Variants in EYS observed in about 807,000 individuals in gnomAD.
EYS encodes the protein protein eyes shut homolog.
EYS carries 250 observed loss-of-function variants against 282.1 expected under a neutral mutation model. The observed-to-expected ratio is 0.89, with a 90% CI of 0.80 to 0.98. The LOEUF is 0.98. Ranked by LOEUF, EYS falls within the 50% of genes least tolerant of loss-of-function variation. The probability of loss-of-function intolerance (pLI) is 0.00; values close to 1 mark genes in which losing one functional copy is unlikely to be tolerated. For synonymous variants in EYS, 1,355 were observed against 1,282.9 expected (o/e 1.06, Z -1.20); for missense variants, 4,016 against 3,709.0 (o/e 1.08, Z -2.15).
chr6:64,543,519 T>G (rs539146154), intron 26 of EYS, among the ~76,000 whole-genome samples: 5 of 152,194 alleles, frequency 3.3e-5, no homozygotes, highest in Admixed American at 2.0e-4. Flanking sequence ...TATTATAAAT[T>G]TGGATTCTAT....
intron 40 of EYS, among the ~76,000 whole-genome samples, chr6:63,767,065 T>C (rs1769807525): frequency 6.6e-6 from 1 of 152,060 alleles, no homozygotes; most frequent in South Asian, 2.1e-4. Flanking sequence ...CAATTAGGCA[T>C]TGAAGGAACA....
At chr6:64,628,202 A>G (rs976773399) in intron 22 of EYS, among the ~76,000 whole-genome samples, 5 of 151,600 alleles carry the variant, frequency 3.3e-5, no homozygotes, top group Admixed American at 6.6e-5. Flanking sequence ...CCACTGCCAC[A>G]GTCAACCTCC....
At chr6:64,331,801 C>T (rs1770656898) in intron 29 of EYS, among the ~76,000 whole-genome samples, 1 of 152,300 alleles carries the variant, frequency 6.6e-6, no homozygotes, top group South Asian at 2.1e-4. Context: ...TGGAGCTACA[C>T]CGTGTGAAAA....
At chr6:64,611,388 C>T (rs1257436328) in intron 24 of EYS, among the ~76,000 whole-genome samples, 1 of 152,154 alleles carries the variant, frequency 6.6e-6, no homozygotes, top group Non-Finnish European at 1.5e-5. Context: ...GACTACTTTA[C>T]TCAGAGTTCG....
intron 1 of EYS, among the ~76,000 whole-genome samples, chr6:65,691,928 A>G (rs1249136592): frequency 1.3e-5 from 2 of 150,022 alleles, no homozygotes; most frequent in African/African-American, 4.9e-5. Context: ...GTTAAGTTCC[A>G]TTGGTCTATA....
intron 26 of EYS, among the ~76,000 whole-genome samples, chr6:64,549,234 A>G (rs544174629): frequency 1.3e-5 from 2 of 152,218 alleles, no homozygotes; most frequent in South Asian, 2.1e-4. Context: ...CCTGACCTTC[A>G]CTCTGCCTCA....
At chr6:64,480,993 C>A (rs1053560014) in intron 26 of EYS, among the ~76,000 whole-genome samples, 4 of 151,256 alleles carry the variant, frequency 2.6e-5, no homozygotes, top group Non-Finnish European at 4.4e-5. Flanking sequence ...TCACAAATAA[C>A]CTTGATGTCT....
chr6:64,910,735 A>G (rs79610516), intron 16 of EYS, among the ~76,000 whole-genome samples: 1 of 152,188 alleles, frequency 6.6e-6, no homozygotes, highest in East Asian at 1.9e-4. Context: ...CTAGTTCAAT[A>G]TATGACTAGA....
intron 26 of EYS, among the ~76,000 whole-genome samples, chr6:64,440,955 G>A (rs959775411): frequency 6.6e-6 from 1 of 152,112 alleles, no homozygotes; most frequent in South Asian, 2.1e-4. Context: ...TAAGACATCT[G>A]TTTGAAAACA....
At position 64,099,043 on chromosome 6, in the gene EYS, GC is replaced by G. The variant is rs1209871110; in HGVS notation, c.6425-17042del. The stretch of plus-strand genomic sequence containing the variant: ...CAGAAAATTAGAGAACACTTATAAG[GC>G]CACAGTGAGATATTCTAATGCCTCA... On this transcript the variant is annotated intron_variant, in intron 31 of 42. Transcript: ENST00000503581. Among the ~76,000 whole-genome samples the G allele has an allele frequency of 7.2e-5, 11 of 152,156 alleles. No individual in the cohort carries two copies. In the South Asian group the frequency reaches 1.5e-3, roughly 20 times the overall value.
intron 31 of EYS, among the ~76,000 whole-genome samples, chr6:64,195,010 C>T (rs947317251): frequency 6.6e-6 from 1 of 151,828 alleles, no homozygotes; most frequent in Non-Finnish European, 1.5e-5. Flanking sequence ...TCCTATTATT[C>T]TATTATTTTT....
At chr6:65,642,653 C>T (rs1031183742) in intron 1 of EYS, among the ~76,000 whole-genome samples, 1 of 152,138 alleles carries the variant, frequency 6.6e-6, no homozygotes, top group Admixed American at 6.5e-5. Flanking sequence ...TAGGTCAATA[C>T]AAATATTCAC....
intron 12 of EYS, among the ~76,000 whole-genome samples, chr6:65,201,741 T>C (rs1394936054): frequency 6.6e-6 from 1 of 152,132 alleles, no homozygotes; most frequent in Non-Finnish European, 1.5e-5. Context: ...AACACCTATA[T>C]GGTCCAGAAC....
At chr6:64,253,185 T>A (rs185694987) in intron 30 of EYS, among the ~76,000 whole-genome samples, 15 of 152,288 alleles carry the variant, frequency 9.8e-5, no homozygotes, top group Non-Finnish European at 2.1e-4. Context: ...AATTAAAATT[T>A]AATATTTGTA....
At chr6:64,611,147 C>T (rs1767102561) in intron 24 of EYS, among the ~76,000 whole-genome samples, 2 of 152,152 alleles carry the variant, frequency 1.3e-5, no homozygotes, top group African/African-American at 2.4e-5. Flanking sequence ...GAGGAAAATA[C>T]ATTTTTTGTG....
chr6:65,524,548 T>C (rs1767487913), intron 2 of EYS, among the ~76,000 whole-genome samples: 1 of 152,196 alleles, frequency 6.6e-6, no homozygotes, highest in African/African-American at 2.4e-5. Context: ...GCCACCTAGC[T>C]GGTACTGTAA....
At chr6:64,331,601 G>T (rs67128013) in intron 29 of EYS, among the ~76,000 whole-genome samples, 1 of 128,370 alleles carries the variant, frequency 7.8e-6, no homozygotes, top group Non-Finnish European at 1.8e-5. Context: ...TAGCCCCCCC[G>T]CCCGCCCAGT....
rs184250770 is a variant in EYS, at chr6:65,245,871, C to T, written c.2023+49992G>A. ...CATGGGGGGAAGATCTCTCAAAGAG[C>T]TAAATAATATAGAATCTATTTAACA... On this transcript the variant is annotated intron_variant, in intron 12 of 42. Coordinates refer to ENST00000503581, the MANE Select transcript of EYS (RefSeq NM_001142800.2). Among the ~76,000 whole-genome samples the T allele has an allele frequency of 2.1e-3, 326 of 152,086 alleles. 1 individual carries two copies. Among genetic ancestry groups the T allele is most frequent in the African/African-American group, 7.2e-3 (299 of 41,502 alleles).
At chr6:65,631,554 G>T (rs1205719241) in intron 2 of EYS, among the ~76,000 whole-genome samples, 1 of 151,740 alleles carries the variant, frequency 6.6e-6, no homozygotes, top group Non-Finnish European at 1.5e-5. Flanking sequence ...AATCTAGTCT[G>T]ATCTCTGTTT....
Sources: allele counts gnomAD v4.1 joint callset (sites outside exome capture counted in the v4.1 genomes callset), GRCh38; gene constraint gnomAD v4.1.1; transcripts MANE v1.5; gene names NCBI Gene and HGNC (gene_info 2026-07-23, HGNC 2026-07-21).